Variants in PARD3B observed in about 807,000 individuals in gnomAD.
PARD3B encodes the protein partitioning defective 3 homolog B.
A neutral mutation model predicts 130.2 loss-of-function variants in PARD3B; 103 were observed. That is an observed-to-expected ratio of 0.79 (90% confidence interval 0.67 to 0.93). PARD3B has a LOEUF of 0.93. Ranked by LOEUF, PARD3B falls within the 40% of genes least tolerant of loss-of-function variation. The pLI, the probability that PARD3B is intolerant of heterozygous loss-of-function variation, is 0.00. For missense variants in PARD3B, 1,609 were observed against 1,499.2 expected (o/e 1.07, Z -1.21); for synonymous variants, 583 against 553.2 (o/e 1.05, Z -0.76).
At chr2:205,004,185 T>G (rs1483893802) in intron 3 of PARD3B, among the ~76,000 whole-genome samples, 1 of 152,182 alleles carries the variant, frequency 6.6e-6, no homozygotes, top group Non-Finnish European at 1.5e-5. Flanking sequence ...CCTCCAGGTC[T>G]TTAGCCCTGA....
chr2:204,807,726 G>A (rs2042824349), intron 2 of PARD3B, among the ~76,000 whole-genome samples: 1 of 152,020 alleles, frequency 6.6e-6, no homozygotes, highest in Non-Finnish European at 1.5e-5. Flanking sequence ...AGTGAAATAA[G>A]CCAGGCATAC....
At chr2:204,667,037 A>G (rs1457082234) in intron 1 of PARD3B, among the ~76,000 whole-genome samples, 3 of 152,218 alleles carry the variant, frequency 2.0e-5, no homozygotes, top group Non-Finnish European at 4.4e-5. Flanking sequence ...TAAGGGAGAC[A>G]GCTTATGTCC....
chr2:205,322,459 T>A (rs893915233), intron 18 of PARD3B, among the ~76,000 whole-genome samples: 19 of 152,136 alleles, frequency 1.2e-4, no homozygotes, highest in Middle Eastern at 3.2e-3. Flanking sequence ...AGCACTTTAT[T>A]AAGTCCCCAA....
At chr2:205,386,067 A>C (rs550210882) in intron 18 of PARD3B, among the ~76,000 whole-genome samples, 1 of 152,146 alleles carries the variant, frequency 6.6e-6, no homozygotes, top group African/African-American at 2.4e-5. Context: ...ATATTCTACA[A>C]ATTTCTTTTA....
At chr2:205,282,233 C>A (rs1451768471) in intron 16 of PARD3B, among the ~76,000 whole-genome samples, 1 of 151,972 alleles carries the variant, frequency 6.6e-6, no homozygotes, top group Non-Finnish European at 1.5e-5. Context: ...TATTTCTTTG[C>A]AAAGAAATTT....
At chr2:205,472,846 T>C (rs2048885066) in intron 20 of PARD3B, among the ~76,000 whole-genome samples, 1 of 151,510 alleles carries the variant, frequency 6.6e-6, no homozygotes. Flanking sequence ...GGGAGACAAA[T>C]GAGAGTATGG....
intron 19 of PARD3B, among the ~76,000 whole-genome samples, chr2:205,437,272 G>A (rs970537677): frequency 6.6e-6 from 1 of 152,162 alleles, no homozygotes; most frequent in Non-Finnish European, 1.5e-5. Context: ...AGGGAGGGAA[G>A]TAGAGTCACT....
At chr2:204,560,042 G>A (rs185059760) in intron 1 of PARD3B, among the ~76,000 whole-genome samples, 64 of 151,622 alleles carry the variant, frequency 4.2e-4, no homozygotes, top group African/African-American at 1.5e-3. Flanking sequence ...CTGTTGTGGG[G>A]TGGGGGGTCT....
rs1386120923 is a variant in PARD3B, at chr2:204,677,776, G to A, written c.121-8405G>A. ...ATCTCCTGGGCTTCTTAGAAATGTT[G>A]AATAACTGGTAGTCAGTTAGCTACA... is the stretch of plus-strand genomic sequence containing the variant. On this transcript the variant is annotated intron_variant, in intron 1 of 22. Coordinates refer to ENST00000406610, the MANE Select transcript of PARD3B (RefSeq NM_001302769.2). The surrounding 1 kb of genome is among the most constrained non-coding windows in gnomAD (Gnocchi z 4.1). Among the ~76,000 whole-genome samples, 1 of 152,164 alleles carries A rather than the reference G, an allele frequency of 6.6e-6. No homozygotes were observed. The highest frequency in any genetic ancestry group is 1.5e-5 in the Non-Finnish European group (1 of 68,030).
At position 205,172,336 on chromosome 2, in the gene PARD3B, G is replaced by A. The variant is rs1405981539; in HGVS notation, c.1746G>A (p.Gly582=). The change falls in exon 12 of 23, where the codon GGG becomes GGA. Residue 582 remains glycine (G), a synonymous_variant. Coordinates refer to ENST00000406610, the MANE Select transcript of PARD3B (RefSeq NM_001302769.2). ...TGTCCATGGAGGGAAACATCCGAGG[G>A]ATGATCCAGTTGGTGATTCTGAGGA... ...RSMSMEGNIR[G]MIQLVILRRP... is the part of the protein sequence containing the mutation. 5.6e-6 allele frequency: 9 copies of A among 1,614,128 alleles called. No individual in the cohort carries two copies. Among genetic ancestry groups the A allele is most frequent in the East Asian group, 2.2e-5 (1 of 44,880 alleles).
chr2:204,556,380 G>A (rs1259537703), intron 1 of PARD3B, among the ~76,000 whole-genome samples: 2 of 152,152 alleles, frequency 1.3e-5, no homozygotes, highest in Non-Finnish European at 2.9e-5. Context: ...AGCCACTCTC[G>A]GGTTTTGATG....
intron 19 of PARD3B, among the ~76,000 whole-genome samples, chr2:205,419,527 G>A (rs849259): frequency 0.82 from 125,491 of 152,130 alleles, 54,869 homozygotes; most frequent in East Asian, 0.98. Context: ...GCCAACTAGG[G>A]TGACCAAAGG....
At chr2:205,267,238 G>A (rs1484590089) in intron 16 of PARD3B, among the ~76,000 whole-genome samples, 1 of 152,014 alleles carries the variant, frequency 6.6e-6, no homozygotes, top group Non-Finnish European at 1.5e-5. Context: ...ACATTTATAT[G>A]CTCTTGCAAA....
intron 15 of PARD3B, among the ~76,000 whole-genome samples, chr2:205,202,733 C>G (rs1173877663): frequency 6.6e-6 from 1 of 152,090 alleles, no homozygotes; most frequent in Non-Finnish European, 1.5e-5. Flanking sequence ...TAACCTAATG[C>G]CTAGAACATC....
At position 205,014,294 on chromosome 2, in the gene PARD3B, C is replaced by T. The variant is rs111422364; in HGVS notation, c.395-33287C>T. On this transcript the variant is annotated intron_variant, in intron 3 of 22. Transcript: ENST00000406610. Reference sequence around the variant, plus strand: ...GACCGTGGCTGCTTTAACCTCTCTGCAGGGGCAAGTACATTTCTGTCATTC... The same window carrying T: ...GACCGTGGCTGCTTTAACCTCTCTGTAGGGGCAAGTACATTTCTGTCATTC... Among the ~76,000 whole-genome samples, 93 of 152,328 alleles carry T rather than the reference C, an allele frequency of 6.1e-4. 1 individual carries two copies. In the Middle Eastern group the frequency reaches 0.024, roughly 39 times the overall value.
At position 205,121,578 on chromosome 2, in the gene PARD3B, A is replaced by T; in HGVS notation, c.807-13A>T. ...AAGCAGGGTCATCATACATTTATCA[A>T]CTTTCTTTCCAGGGCTCAAGATGTC... On this transcript the variant is annotated splice_polypyrimidine_tract_variant and intron_variant, in intron 7 of 22. Coordinates refer to ENST00000406610, the MANE Select transcript of PARD3B (RefSeq NM_001302769.2). This position sits in a 1 kb window ranked among gnomAD's most constrained non-coding sequence, Gnocchi z 5.0. 6.2e-7 allele frequency: 1 copy of T among 1,607,452 alleles called. No individual in the cohort carries two copies. The highest frequency in any genetic ancestry group is 8.5e-7 in the Non-Finnish European group (1 of 1,175,066).
chr2:204,819,651 A>G (rs946268071), intron 2 of PARD3B, among the ~76,000 whole-genome samples: 1 of 152,184 alleles, frequency 6.6e-6, no homozygotes, highest in Non-Finnish European at 1.5e-5. Flanking sequence ...ATAGGCCCAA[A>G]AGCTAAACCT....
intron 2 of PARD3B, among the ~76,000 whole-genome samples, chr2:204,863,755 A>G (rs16836682): frequency 0.02 from 3,020 of 152,340 alleles, 77 homozygotes; most frequent in East Asian, 0.15. Flanking sequence ...TGAAATTTGC[A>G]GTGCCTCAAA....
chr2:205,425,313 C>T (rs1346947275), intron 19 of PARD3B, among the ~76,000 whole-genome samples: 1 of 152,090 alleles, frequency 6.6e-6, no homozygotes, highest in African/African-American at 2.4e-5. Flanking sequence ...ATAGAAATTA[C>T]AGGAACTCAG....
Sources: allele counts gnomAD v4.1 joint callset (sites outside exome capture counted in the v4.1 genomes callset), GRCh38; gene constraint gnomAD v4.1.1; non-coding constraint Gnocchi (gnomAD v3.1); transcripts MANE v1.5; gene names NCBI Gene and HGNC (gene_info 2026-07-23, HGNC 2026-07-21).